Variants in CDH13 observed in about 807,000 individuals in gnomAD.
CDH13 encodes the protein cadherin 13.
CDH13 carries 24 observed loss-of-function variants against 63.8 expected under a neutral mutation model. The ratio of observed to expected loss-of-function variants is 0.38; its 90% CI spans 0.27 to 0.53. The LOEUF is 0.53. Among genes scored for constraint, CDH13 ranks in the 20% least tolerant of loss-of-function variants. CDH13 has a pLI of 0.85. For missense variants in CDH13, 1,049 were observed against 903.1 expected, an observed-to-expected ratio of 1.16 and a Z score of -2.07; for synonymous variants, 503 against 355.3, an observed-to-expected ratio of 1.42 and a Z score of -4.67.
intron 6 of CDH13, among the ~76,000 whole-genome samples, chr16:83,466,418 G>A (rs1420637729): frequency 6.6e-6 from 1 of 152,194 alleles, no homozygotes; most frequent in Admixed American, 6.5e-5. Flanking sequence ...AGCAACAGAG[G>A]GCTGGATAAG....
At chr16:83,382,060 G>C (rs887221875) in intron 6 of CDH13, among the ~76,000 whole-genome samples, 4 of 152,140 alleles carry the variant, frequency 2.6e-5, no homozygotes, top group African/African-American at 9.7e-5. Flanking sequence ...ATGTGAATGG[G>C]CTTCCACCCC....
At chr16:82,786,496 T>TTG (rs61029619) in intron 1 of CDH13, among the ~76,000 whole-genome samples, 1,543 of 148,552 alleles carry the variant, frequency 0.01, 17 homozygotes, top group African/African-American at 0.03. Context: ...TCTTCTTCTT[T>TTG]TGTGTGTGTG....
intron 3 of CDH13, among the ~76,000 whole-genome samples, chr16:83,099,169 G>A (rs4782748): frequency 0.44 from 66,639 of 151,928 alleles, 15,616 homozygotes; most frequent in East Asian, 0.69. Context: ...TATTTAATAT[G>A]TTGCATATAT....
chr16:82,832,284 T>C (rs775031823), intron 1 of CDH13, among the ~76,000 whole-genome samples: 3 of 152,218 alleles, frequency 2.0e-5, no homozygotes, highest in African/African-American at 7.2e-5. Context: ...CCATTAATTA[T>C]GAACATGAAA....
intron 2 of CDH13, among the ~76,000 whole-genome samples, chr16:82,957,263 G>C (rs1906260656): frequency 6.6e-6 from 1 of 152,160 alleles, no homozygotes. Flanking sequence ...GGAAAATCAA[G>C]AGCTATTGGT....
At chr16:83,355,353 A>G (rs1224149756) in intron 6 of CDH13, among the ~76,000 whole-genome samples, 1 of 152,228 alleles carries the variant, frequency 6.6e-6, no homozygotes, top group Non-Finnish European at 1.5e-5. Flanking sequence ...TAATAGGTTT[A>G]TAAATTTTCT....
intron 2 of CDH13, among the ~76,000 whole-genome samples, chr16:82,875,695 C>T (rs775898653): frequency 2.0e-5 from 3 of 152,156 alleles, no homozygotes; most frequent in Non-Finnish European, 2.9e-5. Flanking sequence ...TTTTATCTAT[C>T]TCAACAATGC....
At chr16:82,980,546 G>A (rs769147890) in intron 2 of CDH13, among the ~76,000 whole-genome samples, 4 of 152,134 alleles carry the variant, frequency 2.6e-5, no homozygotes, top group Non-Finnish European at 4.4e-5. Context: ...TTTTTTTGAA[G>A]GCTCATTTCA....
intron 3 of CDH13, among the ~76,000 whole-genome samples, chr16:83,044,999 A>G (rs1917648046): frequency 6.6e-6 from 1 of 152,290 alleles, no homozygotes; most frequent in East Asian, 1.9e-4. Flanking sequence ...ATCAAATACT[A>G]GTCAATTCTA....
intron 6 of CDH13, among the ~76,000 whole-genome samples, chr16:83,350,220 C>G (rs1015323463): frequency 6.6e-6 from 1 of 152,202 alleles, no homozygotes; most frequent in African/African-American, 2.4e-5. Context: ...TGTGTTCGCT[C>G]TCCTGGCTTT....
chr16:82,851,930 A>G (rs2039506473), intron 1 of CDH13, among the ~76,000 whole-genome samples: 1 of 152,244 alleles, frequency 6.6e-6, no homozygotes, highest in South Asian at 2.1e-4. Flanking sequence ...TAACAAGAGT[A>G]AACCAGAGAT....
intron 10 of CDH13, among the ~76,000 whole-genome samples, chr16:83,747,673 T>A (rs1912718767): frequency 6.6e-6 from 1 of 150,874 alleles, no homozygotes; most frequent in South Asian, 2.1e-4. Flanking sequence ...AATATTGCCC[T>A]GGATCAGAGG....
intron 6 of CDH13, among the ~76,000 whole-genome samples, chr16:83,416,252 C>A (rs1366499573): frequency 6.6e-6 from 1 of 152,162 alleles, no homozygotes; most frequent in Non-Finnish European, 1.5e-5. Flanking sequence ...TTTTAAAAGA[C>A]ACAAACAGAT....
At chr16:83,334,077 C>T (rs1351889414) in intron 5 of CDH13, among the ~76,000 whole-genome samples, 1 of 152,074 alleles carries the variant, frequency 6.6e-6, no homozygotes. Flanking sequence ...AAAGGCCACG[C>T]ACATTCCTGG....
At chr16:83,166,962 G>A (rs1444888907) in intron 4 of CDH13, among the ~76,000 whole-genome samples, 5 of 152,122 alleles carry the variant, frequency 3.3e-5, no homozygotes, top group African/African-American at 4.8e-5. Context: ...TAGGAGAGAA[G>A]CAGTTGGATT....
At chr16:82,915,805 A>T (rs4783300) in intron 2 of CDH13, among the ~76,000 whole-genome samples, 15 of 149,684 alleles carry the variant, frequency 1.0e-4, no homozygotes, top group Non-Finnish European at 2.2e-4. Context: ...GTACCCTCTG[A>T]CATACACCCT....
intron 1 of CDH13, among the ~76,000 whole-genome samples, chr16:82,748,241 CA>C (rs1597465328): frequency 6.6e-6 from 1 of 152,186 alleles, no homozygotes; most frequent in East Asian, 1.9e-4. Flanking sequence ...CCACAAACCC[CA>C]CAGGAAATTA....
intron 8 of CDH13, among the ~76,000 whole-genome samples, chr16:83,645,736 C>A (rs1911730571): frequency 6.6e-6 from 1 of 151,788 alleles, no homozygotes; most frequent in South Asian, 2.1e-4. Context: ...GCAGGTGGCC[C>A]GTTCTTGGTG....
intron 4 of CDH13, among the ~76,000 whole-genome samples, chr16:83,166,961 A>G (rs1345617339): frequency 6.6e-6 from 1 of 152,148 alleles, no homozygotes; most frequent in Non-Finnish European, 1.5e-5. Context: ...CTAGGAGAGA[A>G]GCAGTTGGAT....
Sources: gnomAD v4.1 joint callset for allele counts (sites outside exome capture counted in the v4.1 genomes callset) on GRCh38, gnomAD v4.1.1 for gene constraint, MANE v1.5 for transcripts, NCBI Gene and HGNC (gene_info 2026-07-23, HGNC 2026-07-21) for gene names.